Variants in PLPPR1 observed in about 807,000 individuals in gnomAD.
The protein encoded by PLPPR1 is phospholipid phosphatase related 1.
In PLPPR1, 10 loss-of-function variants were observed where a neutral mutation model predicts 33.1. That is an observed-to-expected ratio of 0.30 (90% CI 0.19 to 0.51). PLPPR1 has a LOEUF of 0.51. PLPPR1 is among the 20% of genes least tolerant of loss of function. PLPPR1 has a pLI of 0.97. For missense variants in PLPPR1, 304 were observed against 408.1 expected, an observed-to-expected ratio of 0.74 and a Z score of 2.20; for synonymous variants, 151 against 151.0, an observed-to-expected ratio of 1.00 and a Z score of 0.00.
At chr9:101,184,193 A>T (rs937503713) in intron 1 of PLPPR1, among the ~76,000 whole-genome samples, 2 of 151,880 alleles carry the variant, frequency 1.3e-5, no homozygotes, top group Non-Finnish European at 2.9e-5. Flanking sequence ...ATAACAGAAA[A>T]TATCCAATTT....
chr9:101,215,448 A>AG (rs1322564605), intron 2 of PLPPR1, among the ~76,000 whole-genome samples: 1 of 151,834 alleles, frequency 6.6e-6, no homozygotes, highest in Non-Finnish European at 1.5e-5. Context: ...GCCCAGCCAA[A>AG]TTTTTTATTT....
chr9:101,223,195 G>C (rs892962622), intron 2 of PLPPR1, among the ~76,000 whole-genome samples: 1 of 150,342 alleles, frequency 6.7e-6, no homozygotes, highest in Non-Finnish European at 1.5e-5. Flanking sequence ...TTTTAGCTGG[G>C]CACCATGGGA....
intron 7 of PLPPR1, among the ~76,000 whole-genome samples, chr9:101,323,299 A>C (rs1027113785): frequency 6.6e-6 from 1 of 152,046 alleles, no homozygotes; most frequent in African/African-American, 2.4e-5. Context: ...GTTCGAGACC[A>C]GCCTGGGCAA....
At chr9:101,095,793 A>G (rs1830809410) in intron 1 of PLPPR1, among the ~76,000 whole-genome samples, 1 of 152,158 alleles carries the variant, frequency 6.6e-6, no homozygotes, top group Admixed American at 6.5e-5. Context: ...CACACAGAGA[A>G]GTATTTCTGG....
chr9:101,062,015 G>A (rs1830353637), intron 1 of PLPPR1, among the ~76,000 whole-genome samples: 1 of 151,992 alleles, frequency 6.6e-6, no homozygotes, highest in African/African-American at 2.4e-5. Flanking sequence ...TTGTTCATCA[G>A]GTGATATAAT....
intron 1 of PLPPR1, among the ~76,000 whole-genome samples, chr9:101,043,396 T>C (rs572338550): frequency 6.6e-6 from 1 of 151,496 alleles, no homozygotes; most frequent in East Asian, 1.9e-4. Context: ...TACATACACA[T>C]ATATACATAT....
Position 101,192,545 on chromosome 9 carries a change from C to T in PLPPR1, c.63+6988C>T, listed in dbSNP as rs117819674. Among the ~76,000 whole-genome samples, 20 of 152,080 alleles carry T rather than the reference C, an allele frequency of 1.3e-4. 1 individual carries two copies. In the South Asian group the frequency reaches 4.0e-3, roughly 30 times the overall value. ...GGGAACTTCAAGGGGGGAAAAAAAACGTGGCTGTACCTGAATGTGCTTGCC... is the reference window on the plus strand; with the variant it reads ...GGGAACTTCAAGGGGGGAAAAAAAATGTGGCTGTACCTGAATGTGCTTGCC... On this transcript the variant is annotated intron_variant, in intron 2 of 7. Transcript: ENST00000374874.
intron 1 of PLPPR1, among the ~76,000 whole-genome samples, chr9:101,087,597 A>T (rs1024261775): frequency 6.6e-6 from 1 of 152,222 alleles, no homozygotes; most frequent in Admixed American, 6.5e-5. Context: ...TCTAAAACCA[A>T]TGTAGACTGG....
chr9:101,116,208 G>A (rs1588034827), intron 1 of PLPPR1, among the ~76,000 whole-genome samples: 1 of 152,296 alleles, frequency 6.6e-6, no homozygotes, highest in South Asian at 2.1e-4. Flanking sequence ...GGGAACTATA[G>A]TATGTCTGTT....
intron 1 of PLPPR1, among the ~76,000 whole-genome samples, chr9:101,096,933 GCC>G (rs954057013): frequency 2.6e-5 from 4 of 152,114 alleles, no homozygotes; most frequent in Non-Finnish European, 5.9e-5. Context: ...AGATGTGGTG[GCC>G]CACACCTGTA....
chr9:101,086,665 CA>C (rs1272772461), intron 1 of PLPPR1, among the ~76,000 whole-genome samples: 1 of 152,136 alleles, frequency 6.6e-6, no homozygotes, highest in African/African-American at 2.4e-5. Context: ...GTTTCAGTCA[CA>C]GAGTAGAACA....
Position 101,291,067 on chromosome 9 carries a change from G to A in PLPPR1, c.385+4831G>A, listed in dbSNP as rs995397879. ...GGTGAAAGACGGCACCTGGAAAATC[G>A]GGTCACTCCCACCCTAATACTGCGC... On this transcript the variant is annotated intron_variant, in intron 4 of 7. Coordinates refer to ENST00000374874, the MANE Select transcript of PLPPR1 (RefSeq NM_207299.2). Among the ~76,000 whole-genome samples, 20 of 152,176 alleles carry A rather than the reference G, an allele frequency of 1.3e-4. No homozygotes were observed. In the South Asian group the frequency reaches 3.1e-3, roughly 24 times the overall value.
At chr9:101,204,896 C>G (rs974895542) in intron 2 of PLPPR1, among the ~76,000 whole-genome samples, 1 of 151,892 alleles carries the variant, frequency 6.6e-6, no homozygotes, top group African/African-American at 2.4e-5. Context: ...TAGGTTCTAT[C>G]TTTGGAGAGA....
chr9:101,272,782 T>A (rs1173912967), intron 3 of PLPPR1, among the ~76,000 whole-genome samples: 1 of 152,210 alleles, frequency 6.6e-6, no homozygotes, highest in Non-Finnish European at 1.5e-5. Context: ...AAGAACTTAG[T>A]CTATGTTTAC....
At chr9:101,302,169 A>C (rs1828765955) in intron 4 of PLPPR1, among the ~76,000 whole-genome samples, 1 of 152,214 alleles carries the variant, frequency 6.6e-6, no homozygotes, top group Non-Finnish European at 1.5e-5. Context: ...TAGGGATAAT[A>C]GTGTCTACCT....
chr9:101,050,124 G>GAAAAAAAAAAAAAA, intron 1 of PLPPR1, among the ~76,000 whole-genome samples: 1 of 35,182 alleles, frequency 2.8e-5, no homozygotes, highest in Non-Finnish European at 6.7e-5. Flanking sequence ...CTCCAACTCA[G>GAAAAAAAAAAAAAA]AAAAAAAAAA....
intron 1 of PLPPR1, among the ~76,000 whole-genome samples, chr9:101,067,090 T>C (rs1465511363): frequency 3.3e-5 from 5 of 152,084 alleles, no homozygotes; most frequent in African/African-American, 9.7e-5. Flanking sequence ...CTTTGTTCTC[T>C]GTAATGGTAG....
rs532692797 is a variant in PLPPR1 at position 101,202,511 on chromosome 9, T to G, written c.63+16954T>G. Among the ~76,000 whole-genome samples, 29 of 152,340 alleles carry G rather than the reference T, an allele frequency of 1.9e-4. No homozygotes were observed. The South Asian group carries it at 5.6e-3, about 29-fold the overall frequency. Reference sequence around the variant, plus strand: ...CTCAAGGCTTGCTATTGAACAGTTATGTGCACAAAGCATATGCTTGTCTTA... The same window carrying G: ...CTCAAGGCTTGCTATTGAACAGTTAGGTGCACAAAGCATATGCTTGTCTTA... On this transcript the variant is annotated intron_variant, in intron 2 of 7. Coordinates refer to ENST00000374874, the MANE Select transcript of PLPPR1 (RefSeq NM_207299.2).
At chr9:101,061,962 A>C (rs1282043722) in intron 1 of PLPPR1, among the ~76,000 whole-genome samples, 1 of 152,042 alleles carries the variant, frequency 6.6e-6, no homozygotes, top group African/African-American at 2.4e-5. Flanking sequence ...AAGAATTATC[A>C]TGCTATTTGG....
Sources: gnomAD v4.1 joint callset for allele counts (sites outside exome capture counted in the v4.1 genomes callset) on GRCh38, gnomAD v4.1.1 for gene constraint, MANE v1.5 for transcripts, NCBI Gene and HGNC (gene_info 2026-07-23, HGNC 2026-07-21) for gene names.